Variants in NIPBL observed in about 807,000 individuals in gnomAD.
NIPBL encodes NIPBL cohesin loading factor, also known as nipped-B-like protein.
In NIPBL, 19 loss-of-function variants were observed where a neutral mutation model predicts 321.8. The observed-to-expected ratio is 0.06, with a 90% CI of 0.04 to 0.09. The LOEUF is 0.09. Among genes scored for constraint, NIPBL ranks in the 10% least tolerant of loss-of-function variants. The pLI is 1.00. For missense variants in NIPBL, 2,210 were observed against 3,327.0 expected (o/e 0.66, Z 8.26); for synonymous variants, 1,106 against 1,114.1 (o/e 0.99, Z 0.14).
chr5:37,022,468 G>A (rs1337774454), intron 29 of NIPBL, 78 bp downstream of exon 29: 2 of 1,290,606 alleles, frequency 1.5e-6, no homozygotes, highest in Non-Finnish European at 2.1e-6. Context: ...AAAGTGTTAA[G>A]TTAGAAAAAT....
chr5:36,975,965 A>G lies in NIPBL; in HGVS notation c.1058A>G (p.Lys353Arg), dbSNP rs1743395526. 3.1e-6 allele frequency: 5 copies of G among 1,614,062 alleles called. No homozygotes were observed. Among genetic ancestry groups the G allele is most frequent in the Non-Finnish European group, 4.2e-6 (5 of 1,179,950 alleles). ...TATGATATAATTAGTTCTCCATCCA[A>G]GGACTCTACTAAACTTACATTAAGA... The part of the protein sequence containing the change: ...AMYDIISSPS[K>R]DSTKLTLRLS... Residue 353 changes from lysine to arginine, a missense_variant, in exon 9 of 47, where the codon AAG (lysine) becomes AGG (arginine). Around this residue, in one of 14 missense-constraint regions of NIPBL, gnomAD observed 464 missense variants for 529.5 expected, o/e 0.88. Transcript: ENST00000282516.
intron 1 of NIPBL, among the ~76,000 whole-genome samples, chr5:36,924,743 A>G (rs1329724221): frequency 6.6e-6 from 1 of 152,232 alleles, no homozygotes; most frequent in Non-Finnish European, 1.5e-5. Flanking sequence ...GAAAATCTCC[A>G]GTCTAGCTAA....
chr5:37,013,147 G>A (rs1186979239), intron 21 of NIPBL, among the ~76,000 whole-genome samples: 2 of 148,666 alleles, frequency 1.3e-5, no homozygotes, highest in African/African-American at 5.0e-5. Context: ...CCTCCCGGAC[G>A]GGGCGGCTGG....
chr5:37,046,072 T>C, intron 37 of NIPBL, 37 bp from the exon 38 acceptor site: 1 of 1,009,228 alleles, frequency 9.9e-7, no homozygotes, highest in Non-Finnish European at 1.6e-6. Context: ...TCTAAGTTAC[T>C]GTTCATGAAC....
chr5:37,013,592 C>T (rs1748523034), intron 21 of NIPBL, among the ~76,000 whole-genome samples: 1 of 151,582 alleles, frequency 6.6e-6, no homozygotes, highest in Non-Finnish European at 1.5e-5. Flanking sequence ...AGAGGTGCTC[C>T]CCACATCTCA....
chr5:37,011,205 T>C (rs976173628), intron 21 of NIPBL, among the ~76,000 whole-genome samples: 5 of 152,222 alleles, frequency 3.3e-5, no homozygotes, highest in Admixed American at 3.3e-4. Flanking sequence ...GTTTATCTAC[T>C]GTTAGAGCCA....
Position 37,051,759 on chromosome 5 carries a change from ATTTT to A in NIPBL, c.6955-12_6955-9del, listed in dbSNP as rs757731487. The A allele has an allele frequency of 8.0e-7, 1 of 1,252,318 alleles. No individual in the cohort carries two copies. The highest frequency in any genetic ancestry group is 1.1e-6 in the Non-Finnish European group (1 of 898,090). The allele number at this position is 1,252,318 out of a possible 1,614,324, so 77.6% of individuals were successfully genotyped here. A position where few individuals can be genotyped will look rare whatever the true frequency, so the allele number is the denominator to read the frequency against. On this transcript the variant is annotated splice_polypyrimidine_tract_variant and intron_variant, in intron 40 of 46. Transcript: ENST00000282516. ...ATTTTTACTACCATGATATCTCGTAATTTTTTTTTTTATTTCCAGTGTGTGCCAT... is the reference window on the plus strand; with the variant it reads ...ATTTTTACTACCATGATATCTCGTAATTTTTTTATTTCCAGTGTGTGCCAT...
chr5:36,980,031 T>G (rs948889855), intron 9 of NIPBL, among the ~76,000 whole-genome samples: 1 of 151,710 alleles, frequency 6.6e-6, no homozygotes, highest in African/African-American at 2.4e-5. Flanking sequence ...GACCTTTTTT[T>G]TATGTATCAT....
At chr5:37,007,071 A>G (rs940552348) in intron 17 of NIPBL, among the ~76,000 whole-genome samples, 4 of 152,094 alleles carry the variant, frequency 2.6e-5, no homozygotes, top group African/African-American at 2.4e-5. Context: ...AATGGAGAAA[A>G]GTAGAAATCA....
chr5:36,940,795 A>C (rs1393543984), intron 1 of NIPBL, among the ~76,000 whole-genome samples: 1 of 152,158 alleles, frequency 6.6e-6, no homozygotes, highest in South Asian at 2.1e-4. Context: ...AATTCATAAG[A>C]TAAGGATTAA....
At chr5:36,878,712 T>A (rs1301133769) in intron 1 of NIPBL, among the ~76,000 whole-genome samples, 1 of 152,248 alleles carries the variant, frequency 6.6e-6, no homozygotes, top group Non-Finnish European at 1.5e-5. Context: ...CCTGCAAACG[T>A]ACGGATAAAT....
chr5:37,037,593 G>A (rs561207690), intron 33 of NIPBL, among the ~76,000 whole-genome samples: 13 of 150,148 alleles, frequency 8.7e-5, no homozygotes, highest in South Asian at 2.1e-4. Flanking sequence ...TGGCACCTAC[G>A]GAAGTTGTTG....
Position 37,048,503 on chromosome 5 carries a change from A to T in NIPBL, c.6591A>T (p.Gly2197=). Residue 2197 remains glycine (G), a splice_region_variant and synonymous_variant, in exon 39 of 47, where the codon GGA becomes GGT. Coordinates refer to ENST00000282516, the MANE Select transcript of NIPBL (RefSeq NM_133433.4). ...TGAGATTTTTCCCCTCTCCCATAGG[A>T]TTTGCCTTTATTCAGCATCCAAGTC... is the stretch of plus-strand genomic sequence containing the variant. ...EVQTKAIIGL[G]FAFIQHPSLM... 6.4e-7 allele frequency: 1 copy of T among 1,563,312 alleles called. No homozygotes were observed. The highest frequency in any genetic ancestry group is 1.8e-5 in the Admixed American group (1 of 56,620).
At position 36,996,712 on chromosome 5, in the gene NIPBL, A is replaced by G. The variant is rs1300809968; in HGVS notation, c.3304+908A>G. ...TATGGGAGATCTTCACTTGTGTGCC[A>G]ACTGACTTAGTCATAATGACCAAAA... On this transcript the variant is annotated intron_variant, in intron 11 of 46. Transcript: ENST00000282516. The surrounding 1 kb of genome is among the most constrained non-coding windows in gnomAD (Gnocchi z 5.0). The G allele has an allele frequency of 6.1e-6, 2 of 327,978 alleles. No individual in the cohort carries two copies. Among genetic ancestry groups the G allele is most frequent in the Non-Finnish European group, 1.2e-5 (2 of 165,392 alleles). 20.3% of individuals were successfully genotyped at this position (327,978 alleles called of 1,614,324 possible).
At position 37,045,528 on chromosome 5, in the gene NIPBL, C is replaced by A. The variant is rs1393544960; in HGVS notation, c.6429C>A (p.Ser2143=). ...LLTNKPALLR[S]LFTVGALCRH... ...CAAACAAACCAGCACTTCTTAGATC[C>A]CTTTTCACCGTTGGAGCACTATGTC... Residue 2143 remains serine (S), a synonymous_variant, in exon 37 of 47, where the codon TCC becomes TCA. Transcript: ENST00000282516. 1 of 1,613,934 alleles carries A rather than the reference C, an allele frequency of 6.2e-7. No homozygotes were observed. The highest frequency in any genetic ancestry group is 8.5e-7 in the Non-Finnish European group (1 of 1,179,968).
intron 1 of NIPBL, among the ~76,000 whole-genome samples, chr5:36,901,022 G>A (rs1285441076): frequency 2.0e-5 from 3 of 152,110 alleles, no homozygotes; most frequent in Admixed American, 6.6e-5. Context: ...AGTCGCAGGG[G>A]GTTTGTTGTA....
chr5:36,882,844 C>T (rs977481877), intron 1 of NIPBL, among the ~76,000 whole-genome samples: 1 of 151,146 alleles, frequency 6.6e-6, no homozygotes, highest in African/African-American at 2.4e-5. Flanking sequence ...ATGTTTTGAT[C>T]AGTTATAGCT....
chr5:36,898,324 C>T (rs1369225768), intron 1 of NIPBL, among the ~76,000 whole-genome samples: 1 of 151,946 alleles, frequency 6.6e-6, no homozygotes, highest in African/African-American at 2.4e-5. Context: ...GTAGTGTAAT[C>T]CTGCCTTTAA....
In NIPBL at chr5:36,982,199, C is replaced by A. The variant is rs374434135; in HGVS notation, c.1496-2477C>A. On this transcript the variant is annotated intron_variant, in intron 9 of 46. Transcript: ENST00000282516. Reference sequence around the variant, plus strand: ...TATTCTGATAGCTAATCTTATGGTTCCCAGTGCTGAAGAGGGCTTACAGGT... The same window carrying A: ...TATTCTGATAGCTAATCTTATGGTTACCAGTGCTGAAGAGGGCTTACAGGT... 20 of 978,540 alleles carry A rather than the reference C, an allele frequency of 2.0e-5. No homozygotes were observed. The African/African-American group carries it at 2.8e-4, about 14-fold the overall frequency. 60.6% of individuals were successfully genotyped at this position (978,540 alleles called of 1,614,324 possible). A position where few individuals can be genotyped will look rare whatever the true frequency, so the allele number is the denominator to read the frequency against.
Sources: allele counts gnomAD v4.1 joint callset (sites outside exome capture counted in the v4.1 genomes callset), GRCh38; gene constraint gnomAD v4.1.1; regional missense constraint gnomAD v4.1.1; non-coding constraint Gnocchi (gnomAD v3.1); transcripts MANE v1.5; gene names NCBI Gene and HGNC (gene_info 2026-07-23, HGNC 2026-07-21).